Variants in CALY observed in about 807,000 individuals in gnomAD.
The protein encoded by CALY is calcyon neuron specific vesicular protein, also known as neuron-specific vesicular protein calcyon.
In CALY, 15 loss-of-function variants were observed where a neutral mutation model predicts 20.2. The observed-to-expected ratio is 0.74, with a 90% CI of 0.50 to 1.14. The LOEUF (loss-of-function observed/expected upper bound fraction) is 1.14, where lower values mean the gene tolerates loss of function less well. Among genes scored for constraint, CALY ranks in the 50% most tolerant of loss-of-function variants. The pLI is 0.00. For synonymous variants in CALY, 129 were observed against 131.8 expected (o/e 0.98, Z 0.15); for missense variants, 270 against 304.4 (o/e 0.89, Z 0.84).
chr10:133,331,880 A>C (rs1848315593), intron 1 of CALY, among the ~76,000 whole-genome samples: 1 of 152,180 alleles, frequency 6.6e-6, no homozygotes, highest in South Asian at 2.1e-4. Flanking sequence ...TGTAGTCCCA[A>C]CACTTTGGGA....
chr10:133,336,619 G>A (rs923079085), intron 1 of CALY, among the ~76,000 whole-genome samples: 4 of 152,318 alleles, frequency 2.6e-5, no homozygotes, highest in Non-Finnish European at 4.4e-5. Context: ...GAGGAGGCCC[G>A]AGGGAGGAGG....
rs974745311 is a variant in CALY, at chr10:133,324,497, G to A, written c.*1098C>T. 2.3e-6 allele frequency: 1 copy of A among 429,152 alleles called. No individual in the cohort carries two copies. Among genetic ancestry groups the A allele is most frequent in the Non-Finnish European group, 4.7e-6 (1 of 212,972 alleles). The allele number at this position is 429,152 out of a possible 1,614,324, so 26.6% of individuals were successfully genotyped here. ...GGGCGGGGCTGCAGAGCCGCTGCTG[G>A]CTGGGGTGGGCGGGGCTGCAGTGCT... On this transcript the variant is annotated 3_prime_UTR_variant, in exon 6 of 6. Transcript: ENST00000252939.
intron 1 of CALY, among the ~76,000 whole-genome samples, chr10:133,333,292 T>G (rs143099456): frequency 0.011 from 397 of 36,608 alleles, no homozygotes; most frequent in Middle Eastern, 0.018. Context: ...ATTGAGGGGG[T>G]GGGGGGGGGG....
intron 4 of CALY, 200 bp from the exon 5 acceptor site, chr10:133,326,320 G>A: frequency 6.6e-7 from 1 of 1,519,814 alleles, no homozygotes; most frequent in Non-Finnish European, 8.9e-7. Flanking sequence ...GTTGTAAGGG[G>A]AGGGGCCACC....
Position 133,325,930 on chromosome 10 carries a change from G to A in CALY, c.551C>T (p.Ala184Val), listed in dbSNP as rs1167004212. ...EERKGPTQAG[A>V]AAAATEPPGK... ...GGGGGGTTCGGTGGCCGCCGCCGCCGCCCCAGCCTGGGTGGGCCCCTTGCG... is the reference window on the plus strand; with the variant it reads ...GGGGGGTTCGGTGGCCGCCGCCGCCACCCCAGCCTGGGTGGGCCCCTTGCG... The change falls in exon 5 of 6, where the codon GCG becomes GTG. Residue 184 changes from alanine (A) to valine (V), a missense_variant. Transcript: ENST00000252939. 11 of 1,328,000 alleles carry A rather than the reference G, an allele frequency of 8.3e-6. No individual in the cohort carries two copies. The highest frequency in any genetic ancestry group is 1.5e-5 in the African/African-American group (1 of 65,432). 82.3% of individuals were successfully genotyped at this position (1,328,000 alleles called of 1,614,324 possible).
chr10:133,328,079 T>A, intron 2 of CALY, 64 bp from the exon 3 acceptor site: 1 of 976,736 alleles, frequency 1.0e-6, no homozygotes. Context: ...AGCCCTGAAC[T>A]GAGAGGGGAG....
chr10:133,330,350 CAAAAAAAAAAA>C (rs59986083), intron 1 of CALY, among the ~76,000 whole-genome samples: 4 of 36,782 alleles, frequency 1.1e-4, no homozygotes, highest in South Asian at 2.9e-3. Flanking sequence ...GAAACTCTGC[CAAAAAAAAAAA>C]AAAAAAAAAA....
intron 3 of CALY, chr10:133,327,579 C>A: frequency 1.7e-6 from 1 of 588,974 alleles, no homozygotes; most frequent in Non-Finnish European, 3.0e-6. Context: ...GGAAGTATTA[C>A]ATAGAAAGCC....
rs138090648 is a variant in CALY at position 133,327,744 on chromosome 10, C to T, written c.246+161G>A. ...GGGGGCCTGGTGGGTGCAGGGCAGC[C>T]GGTGGGGCCAGCTCTGGGCGGGATG... On this transcript the variant is annotated intron_variant, in intron 3 of 5. Transcript: ENST00000252939. 1.0e-3 allele frequency: 737 copies of T among 713,920 alleles called. 4 individuals carry two copies. The African/African-American group carries it at 0.012, about 11-fold the overall frequency. The allele number at this position is 713,920 out of a possible 1,614,324, so 44.2% of individuals were successfully genotyped here. A position where few individuals can be genotyped will look rare whatever the true frequency, so the allele number is the denominator to read the frequency against.
Position 133,324,671 on chromosome 10 carries a change from G to A in CALY, c.*924C>T, listed in dbSNP as rs990483362. 8.3e-6 allele frequency: 3 copies of A among 362,224 alleles called. No homozygotes were observed. The highest frequency in any genetic ancestry group is 6.6e-5 in the African/African-American group (3 of 45,700). The allele number at this position is 362,224 out of a possible 1,614,324, so 22.4% of individuals were successfully genotyped here. A position where few individuals can be genotyped will look rare whatever the true frequency, so the allele number is the denominator to read the frequency against. On this transcript the variant is annotated 3_prime_UTR_variant, in exon 6 of 6. Coordinates refer to ENST00000252939, the MANE Select transcript of CALY (RefSeq NM_015722.4). ...TGCAGAGCTGCTGCTGGCTGGGGTG[G>A]TGCAGGTGGTGGGTGAGATCTGCCG...
At chr10:133,332,187 C>T (rs1454681088) in intron 1 of CALY, among the ~76,000 whole-genome samples, 1 of 151,618 alleles carries the variant, frequency 6.6e-6, no homozygotes, top group Admixed American at 6.6e-5. Flanking sequence ...GCTTGTTGCA[C>T]AGCATTGGAA....
intron 4 of CALY, 43 bp from the exon 5 acceptor site, chr10:133,326,163 C>T (rs553629148): frequency 6.3e-7 from 1 of 1,580,694 alleles, no homozygotes; most frequent in South Asian, 1.2e-5. Flanking sequence ...CTGAGCCCTC[C>T]TGTGCGCCCC....
chr10:133,326,393 C>A, intron 4 of CALY: 1 of 826,424 alleles, frequency 1.2e-6, no homozygotes, highest in Admixed American at 2.2e-5. Flanking sequence ...GCGGAGCGCG[C>A]TCCAGAGCAT....
intron 3 of CALY, chr10:133,327,680 G>T: frequency 1.6e-6 from 1 of 635,362 alleles, no homozygotes; most frequent in South Asian, 1.7e-5. Context: ...CATCTCAGGA[G>T]CGCCACTGTT....
chr10:133,324,281 C>T lies in CALY; in HGVS notation c.*1314G>A, dbSNP rs150550505. 574 of 452,782 alleles carry T rather than the reference C, an allele frequency of 1.3e-3. 2 individuals carry two copies. The highest frequency in any genetic ancestry group is 2.0e-3 in the Non-Finnish European group (461 of 225,244). 28.0% of individuals were successfully genotyped at this position (452,782 alleles called of 1,614,324 possible). Reference sequence around the variant, plus strand: ...TGTGCATGGCCCTGCCTTCCCTGACCCCACCTGGCTGGCTTCCAGCTCACC... The same window carrying T: ...TGTGCATGGCCCTGCCTTCCCTGACTCCACCTGGCTGGCTTCCAGCTCACC... On this transcript the variant is annotated 3_prime_UTR_variant, in exon 6 of 6. Transcript: ENST00000252939.
chr10:133,325,408 GGA>G lies in CALY; in HGVS notation c.*185_*186del, dbSNP rs1286750655. On this transcript the variant is annotated 3_prime_UTR_variant, in exon 6 of 6. Transcript: ENST00000252939. ...AGGCCAGCCCGGCAGAGGACGCGCA[GGA>G]GAGATGGAAGCCTCCGGTGGACGTG... 6.4e-6 allele frequency: 1 copy of G among 155,470 alleles called. No homozygotes were observed. Among genetic ancestry groups the G allele is most frequent in the Non-Finnish European group, 1.4e-5 (1 of 70,338 alleles). 9.6% of individuals were successfully genotyped at this position (155,470 alleles called of 1,614,324 possible).
At chr10:133,331,229 C>T (rs1848301013) in intron 1 of CALY, among the ~76,000 whole-genome samples, 1 of 152,190 alleles carries the variant, frequency 6.6e-6, no homozygotes, top group South Asian at 2.1e-4. Flanking sequence ...CCTGAAAGTG[C>T]CTCGATCTGC....
intron 1 of CALY, among the ~76,000 whole-genome samples, chr10:133,335,539 T>C (rs2133386838): frequency 6.6e-6 from 1 of 152,264 alleles, no homozygotes; most frequent in African/African-American, 2.4e-5. Flanking sequence ...GGGGGCCCAC[T>C]GGAGCCTCGC....
rs1271666314 is a variant in CALY at position 133,328,842 on chromosome 10, C to A, written c.135+13G>T. 1.3e-6 allele frequency: 2 copies of A among 1,542,570 alleles called. No homozygotes were observed. The highest frequency in any genetic ancestry group is 2.7e-5 in the African/African-American group (2 of 73,144). On this transcript the variant is annotated intron_variant, in intron 2 of 5. Transcript: ENST00000252939. Reference sequence around the variant, plus strand: ...AGCCTGAGAAGGGCCCCCACGCTGGCCCAGGCCCTCACCTGGTCAGGGAGT... The same window carrying A: ...AGCCTGAGAAGGGCCCCCACGCTGGACCAGGCCCTCACCTGGTCAGGGAGT...
Sources: allele counts gnomAD v4.1 joint callset (sites outside exome capture counted in the v4.1 genomes callset), GRCh38; gene constraint gnomAD v4.1.1; transcripts MANE v1.5; gene names NCBI Gene and HGNC (gene_info 2026-07-23, HGNC 2026-07-21).